Variants in PAK1 observed in about 807,000 individuals in gnomAD.
PAK1 encodes the protein p21 (RAC1) activated kinase 1.
In PAK1, 29 loss-of-function variants were observed where a neutral mutation model predicts 67.4. The observed-to-expected ratio is 0.43, with a 90% CI of 0.32 to 0.59. The LOEUF (loss-of-function observed/expected upper bound fraction) is 0.59. Among genes scored for constraint, PAK1 ranks in the 20% least tolerant of loss-of-function variants. The pLI is 0.07. For synonymous variants in PAK1, 223 were observed against 237.4 expected (o/e 0.94, Z 0.56); for missense variants, 337 against 670.7 (o/e 0.50, Z 5.50).
intron 1 of PAK1, among the ~76,000 whole-genome samples, chr11:77,470,637 G>C (rs1204000532): frequency 6.6e-6 from 1 of 152,212 alleles, no homozygotes; most frequent in East Asian, 1.9e-4. Flanking sequence ...TGACAAGGAA[G>C]AGAAACCTTT....
intron 8 of PAK1, among the ~76,000 whole-genome samples, chr11:77,350,133 T>A (rs766395289): frequency 9.9e-5 from 15 of 152,210 alleles, no homozygotes; most frequent in Non-Finnish European, 2.1e-4. Context: ...TACACTTGGA[T>A]CCTTTAAAAT....
intron 9 of PAK1, among the ~76,000 whole-genome samples, chr11:77,348,650 A>G (rs957766442): frequency 1.3e-5 from 2 of 152,204 alleles, no homozygotes; most frequent in Admixed American, 1.3e-4. Flanking sequence ...TTCTCCTTGA[A>G]TAATATCACC....
chr11:77,380,477 A>T (rs990337759), intron 2 of PAK1, among the ~76,000 whole-genome samples: 1 of 152,158 alleles, frequency 6.6e-6, no homozygotes, highest in Non-Finnish European at 1.5e-5. Flanking sequence ...TGGGTGACAG[A>T]GTGAGGCCCT....
At chr11:77,503,344 G>A in the PAK1 span, among the ~76,000 whole-genome samples, 7 of 152,348 alleles carry the variant, frequency 4.6e-5, no homozygotes, top group East Asian at 1.3e-3. Context: ...AGCTGCTCCA[G>A]GAGGTGGTGG....
At chr11:77,361,634 A>T (rs1033102853) in intron 5 of PAK1, among the ~76,000 whole-genome samples, 44 of 152,148 alleles carry the variant, frequency 2.9e-4, no homozygotes, top group African/African-American at 1.0e-3. Flanking sequence ...TTTTTAATCA[A>T]TGGCAATAAA....
chr11:77,333,619 C>A (rs1442864713), intron 13 of PAK1, among the ~76,000 whole-genome samples: 1 of 152,160 alleles, frequency 6.6e-6, no homozygotes, highest in Non-Finnish European at 1.5e-5. Flanking sequence ...CATCCAAGAA[C>A]TGATCTCTTC....
At chr11:77,366,632 A>G (rs1947622635) in intron 5 of PAK1, among the ~76,000 whole-genome samples, 1 of 152,226 alleles carries the variant, frequency 6.6e-6, no homozygotes, top group South Asian at 2.1e-4. Flanking sequence ...AGGAAATCCA[A>G]TAAAATCACA....
chr11:77,498,691 A>ATTTTT, the PAK1 span, among the ~76,000 whole-genome samples: 461 of 72,082 alleles, frequency 6.4e-3, 70 homozygotes, highest in Middle Eastern at 0.016. Flanking sequence ...CTTGCTTGTA[A>ATTTTT]TTTTTTTTTT....
At chr11:77,462,601 G>C (rs547759463) in intron 1 of PAK1, among the ~76,000 whole-genome samples, 1 of 152,000 alleles carries the variant, frequency 6.6e-6, no homozygotes, top group Non-Finnish European at 1.5e-5. Flanking sequence ...GGAGCCCAAG[G>C]CTGGCAGATC....
intron 1 of PAK1, among the ~76,000 whole-genome samples, chr11:77,442,235 T>C (rs1956386319): frequency 6.6e-6 from 1 of 152,184 alleles, no homozygotes; most frequent in African/African-American, 2.4e-5. Flanking sequence ...TAGTACCCTA[T>C]GTTCCCTGTC....
At chr11:77,390,301 G>C (rs1414589624) in intron 2 of PAK1, among the ~76,000 whole-genome samples, 3 of 152,202 alleles carry the variant, frequency 2.0e-5, no homozygotes, top group African/African-American at 7.2e-5. Context: ...CCGGGTTCAA[G>C]TGATACTCCC....
intron 1 of PAK1, among the ~76,000 whole-genome samples, chr11:77,415,928 A>G (rs1404036297): frequency 6.6e-6 from 1 of 151,738 alleles, no homozygotes; most frequent in Non-Finnish European, 1.5e-5. Flanking sequence ...GTACAGCTAT[A>G]CAATATTTTC....
At chr11:77,416,543 G>A (rs1028546942) in intron 1 of PAK1, among the ~76,000 whole-genome samples, 1 of 152,124 alleles carries the variant, frequency 6.6e-6, no homozygotes, top group Non-Finnish European at 1.5e-5. Context: ...GCCTGAGGCT[G>A]TTTTACAGTT....
In PAK1 at chr11:77,374,830, T is replaced by C. The variant is rs147767555; in HGVS notation, c.440-465A>G. On this transcript the variant is annotated intron_variant, in intron 4 of 14. Coordinates refer to ENST00000356341, the MANE Select transcript of PAK1 (RefSeq NM_002576.5). ...ACTGTAACACAACGGTAAGTATTTGTATATCTAAACATAGAAAAGGTACAA... is the reference window on the plus strand; with the variant it reads ...ACTGTAACACAACGGTAAGTATTTGCATATCTAAACATAGAAAAGGTACAA... Among the ~76,000 whole-genome samples the C allele has an allele frequency of 9.6e-4, 146 of 152,290 alleles. 3 individuals are homozygous for C. The East Asian group carries it at 0.025, about 26-fold the overall frequency.
intron 1 of PAK1, among the ~76,000 whole-genome samples, chr11:77,403,787 T>C (rs1238012864): frequency 6.6e-6 from 1 of 152,234 alleles, no homozygotes; most frequent in African/African-American, 2.4e-5. Flanking sequence ...AAGTTATGAT[T>C]ACCTTCTGCT....
At chr11:77,361,743 TTAAAG>T (rs939217953) in intron 5 of PAK1, among the ~76,000 whole-genome samples, 1 of 152,162 alleles carries the variant, frequency 6.6e-6, no homozygotes, top group African/African-American at 2.4e-5. Context: ...CTCAGTTCTT[TTAAAG>T]TATAGTCTGA....
chr11:77,374,452 C>T lies in PAK1; in HGVS notation c.440-87G>A. ...AGCAAAAGAAGTCTATCTGGTCAAG[C>T]ACGTGCCAGATTCAGAGAATAGTAA... On this transcript the variant is annotated intron_variant, in intron 4 of 14. Coordinates refer to ENST00000356341, the MANE Select transcript of PAK1 (RefSeq NM_002576.5). 10 of 810,696 alleles carry T rather than the reference C, an allele frequency of 1.2e-5. No individual in the cohort carries two copies. In the Middle Eastern group the frequency reaches 6.8e-4, roughly 55 times the overall value. 50.2% of individuals were successfully genotyped at this position (810,696 alleles called of 1,614,324 possible).
chr11:77,432,330 A>C (rs1390767554), intron 1 of PAK1, among the ~76,000 whole-genome samples: 31 of 152,218 alleles, frequency 2.0e-4, no homozygotes, highest in Admixed American at 2.0e-3. Flanking sequence ...ACCCACAGTT[A>C]ATATCATACT....
intron 14 of PAK1, among the ~76,000 whole-genome samples, chr11:77,331,747 G>C (rs2136096054): frequency 6.7e-6 from 1 of 148,944 alleles, no homozygotes; most frequent in African/African-American, 2.5e-5. Flanking sequence ...TAACAAACCT[G>C]CACGTTGTGC....
Sources: gnomAD v4.1 joint callset for allele counts (sites outside exome capture counted in the v4.1 genomes callset) on GRCh38, gnomAD v4.1.1 for gene constraint, MANE v1.5 for transcripts, NCBI Gene and HGNC (gene_info 2026-07-23, HGNC 2026-07-21) for gene names.